Variants in TPRG1 observed in about 807,000 individuals in gnomAD.
TPRG1 encodes the protein tumor protein p63-regulated gene 1 protein.
TPRG1 carries 29 observed loss-of-function variants against 29.3 expected under a neutral mutation model. The observed-to-expected ratio is 0.99, with a 90% confidence interval of 0.74 to 1.35. TPRG1 has a LOEUF of 1.35. Among genes scored for constraint, TPRG1 ranks in the 40% most tolerant of loss-of-function variants. The pLI, the probability that TPRG1 is intolerant of heterozygous loss-of-function variation, is 0.00. For missense variants in TPRG1, 327 were observed against 335.0 expected (o/e 0.98, Z 0.19); for synonymous variants, 130 against 116.8 (o/e 1.11, Z -0.73).
At chr3:189,018,871 T>A (rs1319552302) in intron 3 of TPRG1, among the ~76,000 whole-genome samples, 1 of 149,466 alleles carries the variant, frequency 6.7e-6, no homozygotes, top group Non-Finnish European at 1.5e-5. Flanking sequence ...GAGCATGGAA[T>A]GTTCTTCCAT....
chr3:189,247,532 A>T (rs1332435538), intron 4 of TPRG1, among the ~76,000 whole-genome samples: 1 of 151,882 alleles, frequency 6.6e-6, no homozygotes, highest in Non-Finnish European at 1.5e-5. Context: ...TATGGGATTT[A>T]TTCCTCCTTG....
At chr3:189,125,434 G>A (rs1231283470) in intron 1 of TPRG1, among the ~76,000 whole-genome samples, 1 of 152,134 alleles carries the variant, frequency 6.6e-6, no homozygotes, top group East Asian at 1.9e-4. Context: ...ATTATTTACT[G>A]AGCCCTGGGC....
At chr3:189,148,465 G>A (rs1045801451) in intron 4 of TPRG1, among the ~76,000 whole-genome samples, 2 of 152,170 alleles carry the variant, frequency 1.3e-5, no homozygotes, top group Non-Finnish European at 2.9e-5. Context: ...AGCCACCTTT[G>A]AGCTGAGTCT....
rs570839894 is a variant in TPRG1, at chr3:189,292,687, A to G, written c.480-17699A>G. On this transcript the variant is annotated intron_variant, in intron 4 of 5. Coordinates refer to ENST00000345063, the MANE Select transcript of TPRG1 (RefSeq NM_198485.4). ...GGGGTGGCTTTAACTTCTTTATGGA[A>G]TAAACCATACACACTTGCAGAAAAC... Among the ~76,000 whole-genome samples the G allele has an allele frequency of 4.6e-5, 7 of 152,316 alleles. No individual in the cohort carries two copies. The South Asian group carries it at 1.5e-3, about 32-fold the overall frequency.
chr3:189,227,947 C>A (rs1012677166), intron 3 of TPRG1, among the ~76,000 whole-genome samples: 25 of 152,112 alleles, frequency 1.6e-4, no homozygotes, highest in African/African-American at 5.3e-4. Flanking sequence ...CATGGTGAAA[C>A]CCCTTCTCTA....
chr3:189,227,565 G>A (rs1288405809), intron 3 of TPRG1, among the ~76,000 whole-genome samples: 1 of 152,188 alleles, frequency 6.6e-6, no homozygotes, highest in Non-Finnish European at 1.5e-5. Flanking sequence ...AAGAAGTAGA[G>A]AGAAGCTTCT....
At chr3:189,044,679 A>G (rs1310540090) in intron 4 of TPRG1, among the ~76,000 whole-genome samples, 1 of 152,202 alleles carries the variant, frequency 6.6e-6, no homozygotes, top group African/African-American at 2.4e-5. Flanking sequence ...AAGGGGAACT[A>G]TGATGTACAG....
At chr3:189,274,052 G>A (rs886611260) in intron 4 of TPRG1, among the ~76,000 whole-genome samples, 2 of 151,838 alleles carry the variant, frequency 1.3e-5, no homozygotes, top group African/African-American at 4.8e-5. Context: ...AGGCTATTTT[G>A]TACCCCAACT....
intron 4 of TPRG1, among the ~76,000 whole-genome samples, chr3:189,308,838 C>T (rs1191711965): frequency 1.3e-5 from 2 of 151,982 alleles, no homozygotes; most frequent in Admixed American, 1.3e-4. Flanking sequence ...TGGACTCAAT[C>T]CAGAATGCTC....
At chr3:189,157,685 C>G (rs1726875075) in intron 5 of TPRG1, among the ~76,000 whole-genome samples, 1 of 152,128 alleles carries the variant, frequency 6.6e-6, no homozygotes, top group African/African-American at 2.4e-5. Context: ...AAGGAAGTTT[C>G]CATGAAAATA....
chr3:189,037,691 A>G (rs990162751), intron 4 of TPRG1, among the ~76,000 whole-genome samples: 14 of 152,006 alleles, frequency 9.2e-5, no homozygotes, highest in African/African-American at 3.4e-4. Flanking sequence ...AGATGATTTA[A>G]TCATTTATGG....
chr3:189,272,628 T>C (rs1167627201), intron 4 of TPRG1, among the ~76,000 whole-genome samples: 1 of 152,100 alleles, frequency 6.6e-6, no homozygotes, highest in African/African-American at 2.4e-5. Context: ...TTTCTTTCTT[T>C]ATCTTTCTCT....
intron 4 of TPRG1, among the ~76,000 whole-genome samples, chr3:189,089,991 ATTATT>A (rs567318915): frequency 9.7e-4 from 148 of 152,110 alleles, no homozygotes; most frequent in African/African-American, 3.5e-3. Context: ...CCTAAAATCT[ATTATT>A]TTATTAATAC....
intron 4 of TPRG1, among the ~76,000 whole-genome samples, chr3:189,244,979 G>C (rs184988246): frequency 6.6e-6 from 1 of 152,080 alleles, no homozygotes; most frequent in Non-Finnish European, 1.5e-5. Context: ...GGAGTGCAAC[G>C]GTATGATCTT....
Position 189,249,094 on chromosome 3 carries a change from T to A in TPRG1, c.479+10185T>A, listed in dbSNP as rs998695210. Among the ~76,000 whole-genome samples the A allele has an allele frequency of 8.6e-5, 13 of 151,622 alleles. No individual in the cohort carries two copies. In the East Asian group the frequency reaches 2.3e-3, roughly 27 times the overall value. On this transcript the variant is annotated intron_variant, in intron 4 of 5. Coordinates refer to ENST00000345063, the MANE Select transcript of TPRG1 (RefSeq NM_198485.4). ...CTACTATCATGTTATTTAGGTATAC[T>A]CTATCTTGGTCTGTTTAGTAATAAA...
chr3:189,025,659 C>G (rs1713619073), intron 4 of TPRG1, among the ~76,000 whole-genome samples: 1 of 152,060 alleles, frequency 6.6e-6, no homozygotes, highest in Non-Finnish European at 1.5e-5. Flanking sequence ...TTGACATGTC[C>G]TCTGAAATAA....
In TPRG1 at chr3:189,232,995, G is replaced by A. The variant is rs1241980784; in HGVS notation, c.303-5738G>A. Among the ~76,000 whole-genome samples, 5 of 151,382 alleles carry A rather than the reference G, an allele frequency of 3.3e-5. 1 individual carries two copies. Among genetic ancestry groups the A allele is most frequent in the Admixed American group, 1.3e-4 (2 of 15,116 alleles). On this transcript the variant is annotated intron_variant, in intron 3 of 5. Coordinates refer to ENST00000345063, the MANE Select transcript of TPRG1 (RefSeq NM_198485.4). ...AACCCAGTGGGTGATCAGGGAATACGTGTGGAATGAATGATTCAGTTTTTT... is the reference window on the plus strand; with the variant it reads ...AACCCAGTGGGTGATCAGGGAATACATGTGGAATGAATGATTCAGTTTTTT...
intron 1 of TPRG1, among the ~76,000 whole-genome samples, chr3:189,178,399 C>T (rs112774674): frequency 1.3e-5 from 2 of 152,108 alleles, no homozygotes; most frequent in Admixed American, 6.5e-5. Flanking sequence ...CATGGTGATG[C>T]GCATCTGTAG....
At chr3:189,209,394 A>C (rs990148133) in intron 2 of TPRG1, among the ~76,000 whole-genome samples, 6 of 152,228 alleles carry the variant, frequency 3.9e-5, no homozygotes, top group African/African-American at 1.4e-4. Flanking sequence ...AAACACACAC[A>C]AAAAAGCAAT....
Sources: gnomAD v4.1 joint callset for allele counts (sites outside exome capture counted in the v4.1 genomes callset) on GRCh38, gnomAD v4.1.1 for gene constraint, MANE v1.5 for transcripts, NCBI Gene and HGNC (gene_info 2026-07-23, HGNC 2026-07-21) for gene names.